LSAMP: variants seen among roughly 807,000 people sequenced by gnomAD.
The protein encoded by LSAMP is limbic system-associated membrane protein.
A neutral mutation model predicts 38.6 loss-of-function variants in LSAMP; 7 were observed. That is an observed-to-expected ratio of 0.18 (90% confidence interval 0.10 to 0.34). The LOEUF is 0.34. Ranked by LOEUF, LSAMP falls within the 10% of genes least tolerant of loss-of-function variation. The pLI is 1.00. For synonymous variants in LSAMP, 154 were observed against 166.8 expected (o/e 0.92, Z 0.59); for missense variants, 313 against 420.0 (o/e 0.75, Z 2.23).
chr3:116,358,375 G>A (rs999675322), intron 1 of LSAMP, among the ~76,000 whole-genome samples: 2 of 152,060 alleles, frequency 1.3e-5, no homozygotes, highest in African/African-American at 4.8e-5. Context: ...TATAGTTTGA[G>A]GATATATGGA....
intron 1 of LSAMP, among the ~76,000 whole-genome samples, chr3:116,283,680 T>G (rs1443596359): frequency 6.6e-6 from 1 of 152,202 alleles, no homozygotes; most frequent in African/African-American, 2.4e-5. Context: ...TGGCTTATAA[T>G]GAACCCTATG....
chr3:116,440,355 T>TA (rs1413900879), intron 1 of LSAMP, among the ~76,000 whole-genome samples: 1 of 152,194 alleles, frequency 6.6e-6, no homozygotes, highest in Non-Finnish European at 1.5e-5. Flanking sequence ...AGTTTGCTGT[T>TA]ATGTGGAATC....
chr3:115,969,307 G>A (rs1181772628), intron 3 of LSAMP, among the ~76,000 whole-genome samples: 1 of 152,130 alleles, frequency 6.6e-6, no homozygotes, highest in African/African-American at 2.4e-5. Context: ...TTGAATGTAC[G>A]AATAATTTTA....
intron 1 of LSAMP, among the ~76,000 whole-genome samples, chr3:116,421,985 A>C (rs1439570031): frequency 6.6e-6 from 1 of 152,264 alleles, no homozygotes; most frequent in African/African-American, 2.4e-5. Context: ...ATAAATACCC[A>C]AGCAACATTC....
chr3:116,126,315 A>G (rs1451828658), intron 1 of LSAMP, among the ~76,000 whole-genome samples: 1 of 152,228 alleles, frequency 6.6e-6, no homozygotes, highest in Non-Finnish European at 1.5e-5. Context: ...AGTATATAGA[A>G]GCAGATAGGC....
chr3:116,049,925 A>G (rs2107731292), intron 2 of LSAMP, among the ~76,000 whole-genome samples: 1 of 152,296 alleles, frequency 6.6e-6, no homozygotes, highest in Non-Finnish European at 1.5e-5. Flanking sequence ...CCCTTCAAAG[A>G]AAAAGTAAAG....
chr3:115,945,698 A>G (rs947964937), intron 3 of LSAMP, among the ~76,000 whole-genome samples: 7 of 152,142 alleles, frequency 4.6e-5, no homozygotes, highest in African/African-American at 2.4e-5. Flanking sequence ...TGGAAACTGA[A>G]GGAAATCAGA....
intron 1 of LSAMP, among the ~76,000 whole-genome samples, chr3:116,227,088 T>G (rs1031594218): frequency 1.6e-4 from 25 of 152,216 alleles, no homozygotes; most frequent in Admixed American, 1.6e-3. Context: ...GTCCCCTTTA[T>G]AGTGATGCAT....
intron 3 of LSAMP, among the ~76,000 whole-genome samples, chr3:115,904,776 A>G (rs954294581): frequency 2.0e-5 from 3 of 151,910 alleles, no homozygotes; most frequent in African/African-American, 4.8e-5. Flanking sequence ...TACCTTTCCA[A>G]CCTCGTAATT....
chr3:116,029,346 C>T (rs1940865287), intron 2 of LSAMP, among the ~76,000 whole-genome samples: 1 of 152,096 alleles, frequency 6.6e-6, no homozygotes, highest in South Asian at 2.1e-4. Flanking sequence ...TTCATTTAGA[C>T]ACAAATTTCA....
intron 1 of LSAMP, among the ~76,000 whole-genome samples, chr3:116,087,943 G>C (rs1480953200): frequency 1.3e-5 from 2 of 150,662 alleles, no homozygotes; most frequent in Non-Finnish European, 3.0e-5. Flanking sequence ...ACCAAGACTG[G>C]GGAGCAGTGG....
intron 1 of LSAMP, among the ~76,000 whole-genome samples, chr3:116,273,080 C>T (rs2046995220): frequency 6.6e-6 from 1 of 152,052 alleles, no homozygotes; most frequent in Non-Finnish European, 1.5e-5. Context: ...GTCATCACAG[C>T]ACTTAATAAT....
At chr3:116,054,581 G>A (rs1286922506) in intron 2 of LSAMP, among the ~76,000 whole-genome samples, 1 of 151,834 alleles carries the variant, frequency 6.6e-6, no homozygotes, top group Non-Finnish European at 1.5e-5. Flanking sequence ...GAGAGAAAAG[G>A]GCTTCACTCC....
chr3:116,434,878 T>C (rs1156517090), intron 1 of LSAMP, among the ~76,000 whole-genome samples: 3 of 152,158 alleles, frequency 2.0e-5, no homozygotes, highest in Admixed American at 1.3e-4. Flanking sequence ...GTGGATGTTC[T>C]TTGAAGGATC....
At chr3:116,208,133 C>G (rs539834317) in intron 1 of LSAMP, among the ~76,000 whole-genome samples, 1 of 125,492 alleles carries the variant, frequency 8.0e-6, no homozygotes. Context: ...CTTCCCTTCT[C>G]GCTTCATTTC....
intron 3 of LSAMP, among the ~76,000 whole-genome samples, chr3:115,875,435 T>C (rs1936156791): frequency 6.6e-6 from 1 of 152,052 alleles, no homozygotes; most frequent in Admixed American, 6.6e-5. Context: ...TGTAGCCGTC[T>C]CTCTATAAAT....
intron 1 of LSAMP, among the ~76,000 whole-genome samples, chr3:116,396,969 A>T (rs757855628): frequency 6.6e-6 from 1 of 152,204 alleles, no homozygotes; most frequent in Non-Finnish European, 1.5e-5. Flanking sequence ...TTCCTCTTGT[A>T]CCACTATAGC....
At chr3:116,226,595 C>T (rs1040253609) in intron 1 of LSAMP, among the ~76,000 whole-genome samples, 5 of 152,330 alleles carry the variant, frequency 3.3e-5, no homozygotes, top group South Asian at 2.1e-4. Context: ...TGTCATTTAA[C>T]ATTGGTTGTT....
chr3:116,367,021 A>G (rs937502990), intron 1 of LSAMP, among the ~76,000 whole-genome samples: 1 of 152,166 alleles, frequency 6.6e-6, no homozygotes, highest in Non-Finnish European at 1.5e-5. Context: ...TACTTGTATT[A>G]TTTCTATGCC....
Sources: allele counts gnomAD v4.1 joint callset (sites outside exome capture counted in the v4.1 genomes callset), GRCh38; gene constraint gnomAD v4.1.1; transcripts MANE v1.5; gene names NCBI Gene and HGNC (gene_info 2026-07-23, HGNC 2026-07-21).